Variants in DNAH8 observed in about 807,000 individuals in gnomAD.
The protein encoded by DNAH8 is axonemal beta dynein heavy chain 8.
Under a neutral mutation model 562.1 loss-of-function variants are expected in DNAH8, and 382 were observed. The ratio of observed to expected loss-of-function variants is 0.68; its 90% confidence interval spans 0.63 to 0.74. The LOEUF (loss-of-function observed/expected upper bound fraction) is 0.74. Among genes scored for constraint, DNAH8 ranks in the 30% least tolerant of loss-of-function variants. The pLI, the probability that DNAH8 is intolerant of heterozygous loss-of-function variation, is 0.00. For synonymous variants in DNAH8, 1,881 were observed against 1,919.4 expected, an observed-to-expected ratio of 0.98 and a Z score of 0.52; for missense variants, 5,203 against 5,620.4, an observed-to-expected ratio of 0.93 and a Z score of 2.37.
At chr6:38,798,271 T>G (rs1770470114) in intron 21 of DNAH8, among the ~76,000 whole-genome samples, 1 of 152,218 alleles carries the variant, frequency 6.6e-6, no homozygotes, top group Non-Finnish European at 1.5e-5. Context: ...AGTTACACAC[T>G]TCACAAGGTT....
chr6:38,809,179 A>G (rs927866903), intron 24 of DNAH8, among the ~76,000 whole-genome samples: 1 of 151,314 alleles, frequency 6.6e-6, no homozygotes, highest in East Asian at 1.9e-4. Context: ...AGTATATTAC[A>G]TTATTGATGA....
rs189725873 is a variant in DNAH8, at chr6:38,761,732, G to C, written c.1546G>C (p.Ala516Pro). The C allele has an allele frequency of 7.1e-6, 11 of 1,553,648 alleles. No individual in the cohort carries two copies. The Admixed American group carries it at 2.3e-4, about 32-fold the overall frequency. ...VTNQMVTACKAYITDGGLNHV... is the reference protein window; with the variant it reads ...VTNQMVTACKPYITDGGLNHV... ...AAATCAAATGGTAACAGCATGTAAA[G>C]CATATATTACTGATGGAGGATTAAA... is the stretch of plus-strand genomic sequence containing the variant. The change falls in exon 11 of 93, where the codon GCA (alanine) becomes CCA (proline). Residue 516 changes from alanine (A) to proline (P), a missense_variant. This residue lies in a region of DNAH8 where 2,176 missense variants were observed against 2,365.1 expected (regional missense o/e 0.92). Coordinates refer to ENST00000327475, the MANE Select transcript of DNAH8 (RefSeq NM_001206927.2).
intron 28 of DNAH8, among the ~76,000 whole-genome samples, chr6:38,825,620 C>G (rs937903101): frequency 6.6e-6 from 1 of 152,082 alleles, no homozygotes; most frequent in African/African-American, 2.4e-5. Context: ...TTCAAACTCT[C>G]AAGAAAAGAC....
intron 88 of DNAH8, among the ~76,000 whole-genome samples, chr6:39,004,241 A>T (rs184465162): frequency 1.1e-3 from 171 of 152,218 alleles, no homozygotes; most frequent in African/African-American, 3.7e-3. Flanking sequence ...AATAAAATGA[A>T]CATATTTACT....
chr6:38,934,782 T>A (rs1782819669), intron 76 of DNAH8, among the ~76,000 whole-genome samples: 1 of 152,070 alleles, frequency 6.6e-6, no homozygotes, highest in Non-Finnish European at 1.5e-5. Flanking sequence ...GCTAAAGTGT[T>A]TAGGGGTAAA....
At chr6:38,951,865 GC>G (rs999255446) in intron 82 of DNAH8, among the ~76,000 whole-genome samples, 3 of 152,100 alleles carry the variant, frequency 2.0e-5, no homozygotes, top group African/African-American at 7.2e-5. Context: ...TAAAATTACA[GC>G]AAAGTTTATT....
chr6:38,838,168 C>G (rs529702514), intron 33 of DNAH8, 126 bp downstream of exon 33: 1 of 597,466 alleles, frequency 1.7e-6, no homozygotes, highest in South Asian at 2.4e-5. Context: ...ACTGAATATT[C>G]TCCTTATTCC....
In DNAH8 at chr6:38,791,603, G is replaced by A. The variant is rs1678674; in HGVS notation, c.2830G>A (p.Ala944Thr). 73,130 of 1,613,484 alleles carry A rather than the reference G, an allele frequency of 0.045. 3,688 individuals carry two copies. The highest frequency in any genetic ancestry group is 0.31 in the East Asian group (13,720 of 44,810). Residue 944 changes from alanine (A) to threonine (T), a missense_variant, in exon 21 of 93, where the codon GCC becomes ACC. Coordinates refer to ENST00000327475, the MANE Select transcript of DNAH8 (RefSeq NM_001206927.2). ...MHIDTVLKEIAKTVLISLPES... is the reference protein window; with the variant it reads ...MHIDTVLKEITKTVLISLPES... ...TATTGATACAGTTCTGAAGGAGATA[G>A]CCAAAACTGTGTTGATTTCTCTGCC...
At chr6:38,813,933 C>G (rs1467413288) in intron 24 of DNAH8, 121 bp from the exon 25 acceptor site, 3 of 750,034 alleles carry the variant, frequency 4.0e-6, no homozygotes, top group South Asian at 1.5e-5. Flanking sequence ...GTAATATTCT[C>G]TTTGTGTAAT....
chr6:38,788,054 G>A (rs2127651449), intron 18 of DNAH8, among the ~76,000 whole-genome samples: 1 of 152,088 alleles, frequency 6.6e-6, no homozygotes, highest in East Asian at 1.9e-4. Context: ...GACATTAATG[G>A]AACAGCTGAT....
At chr6:39,027,742 C>A (rs564507157) in intron 92 of DNAH8, among the ~76,000 whole-genome samples, 1 of 152,240 alleles carries the variant, frequency 6.6e-6, no homozygotes, top group East Asian at 1.9e-4. Flanking sequence ...GGGAAGATTG[C>A]TTGAATACAG....
Position 38,729,962 on chromosome 6 carries a change from CAAG to C in DNAH8, c.590_592del (p.Glu197del). 6.3e-7 allele frequency: 1 copy of C among 1,590,664 alleles called. No homozygotes were observed. The highest frequency in any genetic ancestry group is 1.3e-5 in the African/African-American group (1 of 74,468). On this transcript the variant is annotated inframe_deletion, in exon 4 of 93. Coordinates refer to ENST00000327475, the MANE Select transcript of DNAH8 (RefSeq NM_001206927.2). ...TTGTAAGACACTGAAATTTTTGTAC[CAAG>C]AAGGAGATGTACCTGGTATTGGTAA...
intron 91 of DNAH8, among the ~76,000 whole-genome samples, chr6:39,018,291 C>T (rs1766686963): frequency 6.6e-6 from 1 of 152,192 alleles, no homozygotes; most frequent in African/African-American, 2.4e-5. Context: ...TCTGGCTGGG[C>T]TCCATCACTG....
At chr6:38,929,399 C>T (rs758392188) in intron 74 of DNAH8, 112 bp from the exon 75 acceptor site, 1 of 1,088,944 alleles carries the variant, frequency 9.2e-7, no homozygotes. Flanking sequence ...AGTAAGTCTT[C>T]TTCTATTGCC....
At chr6:39,007,605 G>C (rs1378002552) in intron 88 of DNAH8, among the ~76,000 whole-genome samples, 1 of 152,162 alleles carries the variant, frequency 6.6e-6, no homozygotes, top group Non-Finnish European at 1.5e-5. Context: ...CTTTAGGGTG[G>C]TGTTCAGAAT....
intron 88 of DNAH8, among the ~76,000 whole-genome samples, chr6:39,006,142 A>G (rs917973926): frequency 1.3e-5 from 2 of 152,258 alleles, no homozygotes; most frequent in African/African-American, 4.8e-5. Context: ...ATGGAAAGGA[A>G]CCCAGCCTTG....
chr6:38,985,558 G>A (rs1307898368), intron 87 of DNAH8, among the ~76,000 whole-genome samples: 3 of 152,178 alleles, frequency 2.0e-5, no homozygotes, highest in East Asian at 1.9e-4. Context: ...GTGAGAATGT[G>A]CGGAGGGAGG....
intron 60 of DNAH8, among the ~76,000 whole-genome samples, chr6:38,898,000 A>G (rs995105866): frequency 6.6e-6 from 1 of 152,218 alleles, no homozygotes; most frequent in Non-Finnish European, 1.5e-5. Flanking sequence ...TTAATGTGTT[A>G]ATTACTATGG....
rs566826308 is a variant in DNAH8, at chr6:38,748,113, C to G, written c.1294-2363C>G. Among the ~76,000 whole-genome samples, 19 of 152,252 alleles carry G rather than the reference C, an allele frequency of 1.2e-4. No homozygotes were observed. The South Asian group carries it at 1.5e-3, about 12-fold the overall frequency. On this transcript the variant is annotated intron_variant, in intron 8 of 92. Transcript: ENST00000327475. ...TCAAAGGACATTCTTATTCATGTCTCCTGGTGCACATGTGTGAGAATTTCT... is the reference window on the plus strand; with the variant it reads ...TCAAAGGACATTCTTATTCATGTCTGCTGGTGCACATGTGTGAGAATTTCT...
Sources: gnomAD v4.1 joint callset for allele counts (sites outside exome capture counted in the v4.1 genomes callset) on GRCh38, gnomAD v4.1.1 for gene constraint, gnomAD v4.1.1 regional missense constraint, MANE v1.5 for transcripts, NCBI Gene and HGNC (gene_info 2026-07-23, HGNC 2026-07-21) for gene names.